The following GCA variants were observed in gnomAD, a reference collection of about 807,000 sequenced individuals.
GCA encodes the protein grancalcin, EF-hand calcium-binding protein.
GCA carries 30 observed loss-of-function variants against 32.6 expected under a neutral mutation model. The observed-to-expected ratio is 0.92, with a 90% CI of 0.69 to 1.25. GCA has a LOEUF of 1.25. GCA is among the 50% of genes most tolerant of loss of function. The pLI is 0.00. For synonymous variants in GCA, 102 were observed against 84.6 expected (o/e 1.21, Z -1.13); for missense variants, 291 against 266.8 (o/e 1.09, Z -0.63).
chr2:162,372,134 A>T (rs770372350), downstream of GCA: 3 of 1,489,090 alleles, frequency 2.0e-6, no homozygotes. Context: ...TATAATTCAC[A>T]TTGATAGATA....
Position 162,362,429 on chromosome 2 carries a change from A to G in GCA, c.*2186A>G. On this transcript the variant is annotated 3_prime_UTR_variant, in exon 8 of 8. Coordinates refer to ENST00000437150, the MANE Select transcript of GCA (RefSeq NM_012198.5). ...AGTTCACTTTTTCGATGCTTTAAAA[A>G]TAACTGATATTTTTATGATGAACAT... is the stretch of plus-strand genomic sequence containing the variant. 1 of 969,390 alleles carries G rather than the reference A, an allele frequency of 1.0e-6. No homozygotes were observed. Among genetic ancestry groups the G allele is most frequent in the Non-Finnish European group, 1.2e-6 (1 of 815,544 alleles). The allele number at this position is 969,390 out of a possible 1,614,324, so 60.0% of individuals were successfully genotyped here. A position where few individuals can be genotyped will look rare whatever the true frequency, so the allele number is the denominator to read the frequency against.
chr2:162,368,449 A>T (rs1685826726), intron 4 of GCA, among the ~76,000 whole-genome samples: 1 of 152,030 alleles, frequency 6.6e-6, no homozygotes. Flanking sequence ...ATTTAGAGGA[A>T]TGATACTGTT....
chr2:162,367,551 A>C (rs1685792977), downstream of GCA, among the ~76,000 whole-genome samples: 1 of 151,992 alleles, frequency 6.6e-6, no homozygotes, highest in African/African-American at 2.4e-5. Flanking sequence ...TAACAAGGAG[A>C]TTGACACTCT....
Position 162,360,286 on chromosome 2 carries a change from T to C in GCA, c.*43T>C. The C allele has an allele frequency of 1.9e-6, 3 of 1,577,440 alleles. No individual in the cohort carries two copies. The highest frequency in any genetic ancestry group is 2.6e-6 in the Non-Finnish European group (3 of 1,160,030). ...CCTGAAGAGACACTGTGAATTCTTT[T>C]GTTTGGAAGAAGTGAACTGGACTAC... On this transcript the variant is annotated 3_prime_UTR_variant, in exon 8 of 8. Transcript: ENST00000437150.
chr2:162,353,557 A>G (rs1364385791), intron 3 of GCA, among the ~76,000 whole-genome samples: 3 of 152,232 alleles, frequency 2.0e-5, no homozygotes, highest in African/African-American at 7.2e-5. Flanking sequence ...TTGATTGGCC[A>G]GGTATAGAAT....
intron 1 of GCA, among the ~76,000 whole-genome samples, chr2:162,327,244 A>C (rs1018606647): frequency 6.6e-6 from 1 of 152,122 alleles, no homozygotes; most frequent in African/African-American, 2.4e-5. Context: ...AAGGTATGTT[A>C]GTGGCTATTT....
At position 162,362,166 on chromosome 2, in the gene GCA, A is replaced by G. The variant is rs1045626005; in HGVS notation, c.*1923A>G. On this transcript the variant is annotated 3_prime_UTR_variant, in exon 8 of 8. Coordinates refer to ENST00000437150, the MANE Select transcript of GCA (RefSeq NM_012198.5). ...CTCACTTTCTAAAGCTTGACAAGGT[A>G]TATTAGCATCTGAAACCCCAAGGTT... 1.6e-5 allele frequency: 16 copies of G among 984,506 alleles called. No individual in the cohort carries two copies. The highest frequency in any genetic ancestry group is 1.1e-4 in the East Asian group (1 of 8,784). The allele number at this position is 984,506 out of a possible 1,614,324, so 61.0% of individuals were successfully genotyped here.
At chr2:162,351,711 A>G (rs1056140033) in intron 2 of GCA, among the ~76,000 whole-genome samples, 2 of 152,144 alleles carry the variant, frequency 1.3e-5, no homozygotes, top group Admixed American at 6.5e-5. Context: ...CAAAGGAATT[A>G]CTTATTTTTG....
intron 1 of GCA, among the ~76,000 whole-genome samples, chr2:162,332,398 A>G (rs1684129499): frequency 6.8e-6 from 1 of 147,998 alleles, no homozygotes; most frequent in Non-Finnish European, 1.5e-5. Flanking sequence ...ATATAAAAAT[A>G]TATAACTTCA....
chr2:162,344,308 C>A, intron 1 of GCA, 33 bp downstream of exon 1: 9 of 1,610,086 alleles, frequency 5.6e-6, no homozygotes, highest in Non-Finnish European at 7.6e-6. Flanking sequence ...TGTCCCTCTT[C>A]CTCGCGGGGT....
chr2:162,363,335 G>T (rs1685654243), downstream of GCA, among the ~76,000 whole-genome samples: 1 of 151,340 alleles, frequency 6.6e-6, no homozygotes, highest in Admixed American at 6.6e-5. Context: ...TGAAACTTGT[G>T]TTAGAAGATC....
Position 162,321,883 on chromosome 2 carries a change from CATATATATATATATATATATATAT to C in GCA, c.-31+2686_-31+2709del, listed in dbSNP as rs10529213. ...AATTTATAAAGGAAAAATTTAGTTA[CATATATATATATATATATATATAT>C]ATATATATATATATATATATATATA... On this transcript the variant is annotated intron_variant, in intron 1 of 4. Transcript: ENST00000429691. Among the ~76,000 whole-genome samples the C allele has an allele frequency of 1.7e-3, 121 of 70,224 alleles. 3 individuals are homozygous for C. Among genetic ancestry groups the C allele is most frequent in the African/African-American group, 2.1e-3 (38 of 18,466 alleles). The allele number at this position is 70,224 out of a possible 152,430, so 46.1% of individuals were successfully genotyped here. A position where few individuals can be genotyped will look rare whatever the true frequency, so the allele number is the denominator to read the frequency against.
intron 1 of GCA, among the ~76,000 whole-genome samples, chr2:162,337,196 A>G (rs2105286904): frequency 6.6e-6 from 1 of 152,324 alleles, no homozygotes; most frequent in African/African-American, 2.4e-5. Context: ...TGGAAGCAAT[A>G]GCAGGAAAGC....
At chr2:162,328,062 C>G (rs1021135201) in intron 1 of GCA, among the ~76,000 whole-genome samples, 5 of 152,098 alleles carry the variant, frequency 3.3e-5, no homozygotes, top group African/African-American at 1.2e-4. Context: ...GAGCCCCTTT[C>G]TGGGCTGGCC....
chr2:162,328,796 G>A (rs1246969784), intron 1 of GCA, among the ~76,000 whole-genome samples: 3 of 152,132 alleles, frequency 2.0e-5, no homozygotes, highest in Non-Finnish European at 2.9e-5. Flanking sequence ...TGGAAAAATC[G>A]GAATCAATCA....
Position 162,325,719 on chromosome 2 carries a change from C to G in GCA, c.-31+6494C>G, listed in dbSNP as rs184931889. On this transcript the variant is annotated intron_variant, in intron 1 of 4. Coordinates refer to the GCA transcript ENST00000429691. ...ATACAAAACTCATCCCCAAATCTGT[C>G]TGCACTTGCTGAACGGCGTGTTTCT... Among the ~76,000 whole-genome samples, 90 of 152,304 alleles carry G rather than the reference C, an allele frequency of 5.9e-4. No homozygotes were observed. The Middle Eastern group carries it at 0.017, about 29-fold the overall frequency.
At chr2:162,356,591 A>G (rs948778935) in intron 4 of GCA, 110 bp downstream of exon 4, 4 of 869,564 alleles carry the variant, frequency 4.6e-6, no homozygotes, top group African/African-American at 3.4e-5. Flanking sequence ...ATTTAAAAAT[A>G]CTTTGTAAGA....
upstream of GCA, chr2:162,344,078 G>C: frequency 1.5e-6 from 1 of 681,978 alleles, no homozygotes; most frequent in South Asian, 1.7e-5. Context: ...GAACCGTGCA[G>C]GGCGGGGCTG....
chr2:162,343,758 G>T (rs188486542), upstream of GCA, among the ~76,000 whole-genome samples: 1 of 152,352 alleles, frequency 6.6e-6, no homozygotes, highest in Non-Finnish European at 1.5e-5. Context: ...GCTCAAAAGC[G>T]TGGAGGGCTG....
Sources: allele counts gnomAD v4.1 joint callset (sites outside exome capture counted in the v4.1 genomes callset), GRCh38; gene constraint gnomAD v4.1.1; transcripts MANE v1.5; gene names NCBI Gene and HGNC (gene_info 2026-07-23, HGNC 2026-07-21).